Variants in ANKRD30A observed in about 807,000 individuals in gnomAD.
ANKRD30A encodes ankyrin repeat domain 30A, also known as ankyrin repeat domain-containing protein 30A.
In ANKRD30A, 170 loss-of-function variants were observed where a neutral mutation model predicts 166.3. That is an observed-to-expected ratio of 1.02 (90% CI 0.90 to 1.16). The LOEUF is 1.16. Among genes scored for constraint, ANKRD30A ranks in the 50% most tolerant of loss-of-function variants. The pLI, the probability that ANKRD30A is intolerant of heterozygous loss-of-function variation, is 0.00. For missense variants in ANKRD30A, 1,630 were observed against 1,518.0 expected, an observed-to-expected ratio of 1.07 and a Z score of -1.23; for synonymous variants, 564 against 508.9, an observed-to-expected ratio of 1.11 and a Z score of -1.46.
intron 17 of ANKRD30A, among the ~76,000 whole-genome samples, chr10:37,164,226 C>T (rs1839127116): frequency 6.9e-6 from 1 of 144,616 alleles, no homozygotes; most frequent in African/African-American, 2.6e-5. Flanking sequence ...TTTTCCTGAA[C>T]CTGATTCAAA....
chr10:37,199,694 C>G (rs1841463850), intron 29 of ANKRD30A, 33 bp from the exon 30 acceptor site: 2 of 1,388,784 alleles, frequency 1.4e-6, no homozygotes, highest in Non-Finnish European at 2.0e-6. Flanking sequence ...GAGAAATGTT[C>G]TCATGAATGT....
chr10:37,201,263 A>T lies in ANKRD30A; in HGVS notation c.2807A>T (p.Asp936Val), dbSNP rs770642248. The change falls in exon 31 of 36, where the codon GAT becomes GTT. Residue 936 changes from aspartate (D) to valine (V), a missense_variant. Coordinates refer to ENST00000361713, the MANE Select transcript of ANKRD30A (RefSeq NM_052997.3). ...CTCCGTGAGACTGTTTCACAGAAGG[A>T]TGTGTGTGTACCCAAGGCTACACAT... ...ESLRETVSQK[D>V]VCVPKATHQK... 8.2e-5 allele frequency: 131 copies of T among 1,593,282 alleles called. No individual in the cohort carries two copies. Among genetic ancestry groups the T allele is most frequent in the Non-Finnish European group, 1.0e-4 (119 of 1,171,764 alleles).
chr10:37,239,112 A>T, the ANKRD30A span, among the ~76,000 whole-genome samples: 1 of 152,182 alleles, frequency 6.6e-6, no homozygotes, highest in East Asian at 1.9e-4. Context: ...AACACTCCAG[A>T]TGGAAACACT....
chr10:37,133,290 G>A (rs1284694968), intron 4 of ANKRD30A, among the ~76,000 whole-genome samples: 1 of 152,124 alleles, frequency 6.6e-6, no homozygotes, highest in African/African-American at 2.4e-5. Context: ...GAAAGAGATA[G>A]GCTTTTGATT....
At chr10:37,166,065 T>A (rs994197759) in intron 18 of ANKRD30A, among the ~76,000 whole-genome samples, 1 of 152,122 alleles carries the variant, frequency 6.6e-6, no homozygotes, top group Non-Finnish European at 1.5e-5. Context: ...ACATGTTGCT[T>A]ATTTTAAGCC....
At chr10:37,259,186 A>G in the ANKRD30A span, among the ~76,000 whole-genome samples, 1 of 151,760 alleles carries the variant, frequency 6.6e-6, no homozygotes, top group Non-Finnish European at 1.5e-5. Flanking sequence ...TGCAATATTT[A>G]TGTTCAATAA....
chr10:37,140,080 TAAG>T (rs1836998816), intron 6 of ANKRD30A, among the ~76,000 whole-genome samples: 3 of 152,208 alleles, frequency 2.0e-5, no homozygotes, highest in Non-Finnish European at 2.9e-5. Context: ...GAAACTTTTA[TAAG>T]AAGGAAAAAT....
chr10:37,250,657 T>C, the ANKRD30A span, among the ~76,000 whole-genome samples: 1 of 152,130 alleles, frequency 6.6e-6, no homozygotes, highest in Non-Finnish European at 1.5e-5. Context: ...ACAAATGGGA[T>C]GAGTGCCCTT....
intron 31 of ANKRD30A, among the ~76,000 whole-genome samples, chr10:37,208,517 AC>A (rs1362331666): frequency 6.6e-6 from 1 of 152,122 alleles, no homozygotes; most frequent in Non-Finnish European, 1.5e-5. Flanking sequence ...ACACCCCATT[AC>A]AAAATTTGCT....
intron 33 of ANKRD30A, 50 bp downstream of exon 33, chr10:37,217,928 A>G (rs540100637): frequency 1.4e-5 from 19 of 1,321,580 alleles, no homozygotes; most frequent in African/African-American, 3.1e-5. Flanking sequence ...TATTTCATCA[A>G]TATTACTTTT....
the ANKRD30A span, chr10:37,264,634 AC>A: frequency 3.3e-6 from 1 of 299,240 alleles, no homozygotes. Context: ...ATATGAGAGG[AC>A]AGGTAAGTAT....
the ANKRD30A span, among the ~76,000 whole-genome samples, chr10:37,263,697 G>A: frequency 1.3e-5 from 2 of 152,140 alleles, no homozygotes; most frequent in African/African-American, 4.8e-5. Context: ...TAAATACAGA[G>A]GTAGCTTTGC....
chr10:37,166,135 CTA>C (rs1228512541), intron 18 of ANKRD30A, among the ~76,000 whole-genome samples: 1 of 152,138 alleles, frequency 6.6e-6, no homozygotes, highest in East Asian at 1.9e-4. Flanking sequence ...ATGACAGACT[CTA>C]AAAGTTCTCA....
intron 1 of ANKRD30A, 125 bp downstream of exon 1, chr10:37,126,133 G>A (rs541848787): frequency 3.6e-5 from 37 of 1,025,506 alleles, no homozygotes; most frequent in Non-Finnish European, 4.9e-5. Flanking sequence ...AACGGGCAGC[G>A]GGGCAGCCAT....
At chr10:37,232,695 A>AGAGAG (rs1564604874), downstream of ANKRD30A, 1 of 10,842 alleles carries the variant, frequency 9.2e-5, no homozygotes, top group African/African-American at 2.4e-4. Flanking sequence ...TATATATATA[A>AGAGAG]ATAGAGAGAG....
rs754424267 is a variant in ANKRD30A, at chr10:37,136,662, A to G, written c.811A>G (p.Thr271Ala). Residue 271 changes from threonine to alanine, a missense_variant, in exon 6 of 36, where the codon ACC becomes GCC. Around this residue, in one of 4 missense-constraint regions of ANKRD30A, gnomAD observed 904 missense variants for 818.5 expected, o/e 1.10. Transcript: ENST00000361713. ...AAAATTATCTAAAAATCATCAAAAT[A>G]CCAATCCAGGTAAGACTTCTGATAG... is the stretch of plus-strand genomic sequence containing the variant. ...IRKLSKNHQN[T>A]NPEGTSAGTP... 3 of 1,422,658 alleles carry G rather than the reference A, an allele frequency of 2.1e-6. No homozygotes were observed. The highest frequency in any genetic ancestry group is 2.9e-6 in the Non-Finnish European group (3 of 1,032,262). 88.1% of individuals were successfully genotyped at this position (1,422,658 alleles called of 1,614,324 possible). A position where few individuals can be genotyped will look rare whatever the true frequency, so the allele number is the denominator to read the frequency against.
chr10:37,234,547 G>A (rs1588971968), downstream of ANKRD30A, among the ~76,000 whole-genome samples: 1 of 151,950 alleles, frequency 6.6e-6, no homozygotes, highest in Non-Finnish European at 1.5e-5. Flanking sequence ...TTTTTTAAAT[G>A]TTTGAGATGG....
At chr10:37,197,111 ATTC>A (rs1841197415) in intron 27 of ANKRD30A, among the ~76,000 whole-genome samples, 167 bp from the exon 28 acceptor site, 1 of 152,052 alleles carries the variant, frequency 6.6e-6, no homozygotes, top group Admixed American at 6.6e-5. Flanking sequence ...TCTTCAGTGT[ATTC>A]TTGTCGTGTG....
chr10:37,151,721 A>G (rs1208591136), intron 11 of ANKRD30A, among the ~76,000 whole-genome samples: 1 of 152,156 alleles, frequency 6.6e-6, no homozygotes, highest in Non-Finnish European at 1.5e-5. Flanking sequence ...GAAAAGAGAG[A>G]TGATAGGTAA....
Sources: allele counts gnomAD v4.1 joint callset (sites outside exome capture counted in the v4.1 genomes callset), GRCh38; gene constraint gnomAD v4.1.1; regional missense constraint gnomAD v4.1.1; transcripts MANE v1.5; gene names NCBI Gene and HGNC (gene_info 2026-07-23, HGNC 2026-07-21).